RASA2: variants seen among roughly 807,000 people sequenced by gnomAD.
RASA2 encodes the protein RAS p21 protein activator 2, also known as ras GTPase-activating protein 2.
Under a neutral mutation model 118.2 loss-of-function variants are expected in RASA2, and 155 were observed. The observed-to-expected ratio is 1.31, with a 90% CI of 1.15 to 1.50. The LOEUF is 1.50. Ranked by LOEUF, RASA2 falls within the 40% of genes most tolerant of loss-of-function variation. The pLI, the probability that RASA2 is intolerant of heterozygous loss-of-function variation, is 0.00. For synonymous variants in RASA2, 353 were observed against 349.1 expected, an observed-to-expected ratio of 1.01 and a Z score of -0.12; for missense variants, 1,016 against 1,009.6, an observed-to-expected ratio of 1.01 and a Z score of -0.09.
At chr3:141,597,973 A>G (rs904667047) in intron 19 of RASA2, among the ~76,000 whole-genome samples, 2 of 152,178 alleles carry the variant, frequency 1.3e-5, no homozygotes, top group Non-Finnish European at 2.9e-5. Context: ...TGAATGGACA[A>G]ATTTCTTGGA....
At chr3:141,492,268 T>C (rs764932123) in intron 1 of RASA2, among the ~76,000 whole-genome samples, 31 of 152,354 alleles carry the variant, frequency 2.0e-4, no homozygotes, top group Non-Finnish European at 2.9e-4. Flanking sequence ...TCCTTGTTAA[T>C]GTGCTTTATG....
At position 141,556,815 on chromosome 3, in the gene RASA2, G is replaced by A. The variant is rs74732484; in HGVS notation, c.684+903G>A. Among the ~76,000 whole-genome samples, 1,458 of 152,014 alleles carry A rather than the reference G, an allele frequency of 9.6e-3. 32 individuals carry two copies. The highest frequency in any genetic ancestry group is 0.034 in the African/African-American group (1,408 of 41,444). The stretch of plus-strand genomic sequence containing the variant: ...ACGGTACCTCTAGTCATGCCTGATT[G>A]CTGTACTTTAATAAAGGAACACAGG... On this transcript the variant is annotated intron_variant, in intron 7 of 23. Transcript: ENST00000286364.
chr3:141,597,422 G>C (rs2083390863), intron 19 of RASA2, among the ~76,000 whole-genome samples: 1 of 152,160 alleles, frequency 6.6e-6, no homozygotes, highest in South Asian at 2.1e-4. Context: ...ACAGAAAGTA[G>C]GTTAGTGGCT....
At chr3:141,525,700 G>A (rs1305138060) in intron 3 of RASA2, 1 of 152,076 alleles carries the variant, frequency 6.6e-6, no homozygotes, top group Admixed American at 6.6e-5. Flanking sequence ...CTGGCTACTT[G>A]GGAGGCTGAA....
intron 15 of RASA2, among the ~76,000 whole-genome samples, chr3:141,577,412 G>T (rs1448624752): frequency 6.6e-6 from 1 of 151,770 alleles, no homozygotes. Context: ...ATTTCCATAA[G>T]TTTTTTTTCA....
Position 141,569,882 on chromosome 3 carries a change from G to A in RASA2, c.864-1030G>A, listed in dbSNP as rs145213791. On this transcript the variant is annotated intron_variant, in intron 9 of 23. Transcript: ENST00000286364. ...TCCCACTTACAAGTGAGAACATAGG[G>A]TATTTGGTTTTCTGTTTCTGCATTA... 3.1e-4 allele frequency among the ~76,000 whole-genome samples: 47 copies of A among 152,170 alleles called. No homozygotes were observed. The East Asian group carries it at 7.2e-3, about 23-fold the overall frequency.
chr3:141,580,085 AATATATATATATATAT>A (rs1207351331), intron 15 of RASA2, among the ~76,000 whole-genome samples: 1 of 59,618 alleles, frequency 1.7e-5, no homozygotes, highest in African/African-American at 6.8e-5. Flanking sequence ...AAAAAAAAAA[AATATATATATATATAT>A]ATATATATAT....
intron 15 of RASA2, 33 bp downstream of exon 15, chr3:141,577,139 A>AT (rs2083025873): frequency 1.4e-6 from 2 of 1,455,866 alleles, no homozygotes; most frequent in Non-Finnish European, 1.9e-6. Context: ...GCTTTATTCC[A>AT]TTTTTTTAAT....
At chr3:141,546,624 T>G in intron 5 of RASA2, among the ~76,000 whole-genome samples, 1 of 152,236 alleles carries the variant, frequency 6.6e-6, no homozygotes, top group Non-Finnish European at 1.5e-5. Flanking sequence ...GCAAATATTC[T>G]CCCATTCTGT....
At chr3:141,533,141 A>G (rs1278734050) in intron 4 of RASA2, among the ~76,000 whole-genome samples, 1 of 152,166 alleles carries the variant, frequency 6.6e-6, no homozygotes, top group African/African-American at 2.4e-5. Flanking sequence ...ATGTGACCAT[A>G]CAGCTTCCTC....
rs527707994 is a variant in RASA2, at chr3:141,496,570, A to G, written c.133+9354A>G. ...CCAACAGACATATGAAATAATGCTT[A>G]TCATCACTGGCCATCAGAGAAATGC... On this transcript the variant is annotated intron_variant, in intron 1 of 23. Transcript: ENST00000286364. Among the ~76,000 whole-genome samples the G allele has an allele frequency of 3.3e-5, 5 of 152,390 alleles. No individual in the cohort carries two copies. The East Asian group carries it at 9.6e-4, about 29-fold the overall frequency.
intron 3 of RASA2, among the ~76,000 whole-genome samples, chr3:141,519,007 G>T (rs907365127): frequency 6.6e-6 from 1 of 151,806 alleles, no homozygotes; most frequent in East Asian, 1.9e-4. Flanking sequence ...CCAAATTTTG[G>T]GCATCCTCAA....
At chr3:141,548,865 G>A (rs564796639) in intron 5 of RASA2, among the ~76,000 whole-genome samples, 4 of 152,082 alleles carry the variant, frequency 2.6e-5, no homozygotes, top group African/African-American at 7.2e-5. Flanking sequence ...CGCAGGTTCC[G>A]TAAACTCCCC....
At chr3:141,582,757 C>G (rs780671653) in intron 17 of RASA2, among the ~76,000 whole-genome samples, 10 of 152,156 alleles carry the variant, frequency 6.6e-5, no homozygotes, top group Non-Finnish European at 1.2e-4. Context: ...ATGTGCAGTG[C>G]TATAAAGTGT....
intron 19 of RASA2, among the ~76,000 whole-genome samples, chr3:141,603,503 G>A (rs1025028784): frequency 2.0e-5 from 3 of 151,982 alleles, no homozygotes; most frequent in African/African-American, 7.3e-5. Context: ...CCCAGGAGGT[G>A]GAGATTGCAG....
chr3:141,515,159 C>A (rs2082004627), intron 2 of RASA2, among the ~76,000 whole-genome samples: 1 of 152,004 alleles, frequency 6.6e-6, no homozygotes, highest in Admixed American at 6.6e-5. Flanking sequence ...CTCAATAAAA[C>A]TGATTTAAAA....
intron 2 of RASA2, among the ~76,000 whole-genome samples, chr3:141,514,689 T>G (rs2081997557): frequency 1.3e-5 from 2 of 152,326 alleles, no homozygotes; most frequent in South Asian, 4.1e-4. Flanking sequence ...TTCTCAGTAA[T>G]CAAAAGCATG....
chr3:141,519,098 A>G (rs2082073050), intron 3 of RASA2, among the ~76,000 whole-genome samples: 1 of 152,162 alleles, frequency 6.6e-6, no homozygotes, highest in South Asian at 2.1e-4. Flanking sequence ...TAGAAGTGAA[A>G]ATACTGAGTC....
intron 3 of RASA2, among the ~76,000 whole-genome samples, chr3:141,523,920 C>A (rs1195304917): frequency 6.6e-6 from 1 of 152,204 alleles, no homozygotes; most frequent in African/African-American, 2.4e-5. Context: ...TTGCTAAGGT[C>A]TTTTCCAACA....
Sources: gnomAD v4.1 joint callset for allele counts (sites outside exome capture counted in the v4.1 genomes callset) on GRCh38, gnomAD v4.1.1 for gene constraint, MANE v1.5 for transcripts, NCBI Gene and HGNC (gene_info 2026-07-23, HGNC 2026-07-21) for gene names.